ANO2: variants seen among roughly 807,000 people sequenced by gnomAD.
The protein encoded by ANO2 is anoctamin 2.
ANO2 carries 101 observed loss-of-function variants against 124.2 expected under a neutral mutation model. That is an observed-to-expected ratio of 0.81 (90% CI 0.69 to 0.96). ANO2 has a LOEUF of 0.96. Ranked by LOEUF, ANO2 falls within the 40% of genes least tolerant of loss-of-function variation. The pLI is 0.00. For synonymous variants in ANO2, 486 were observed against 482.5 expected, an observed-to-expected ratio of 1.01 and a Z score of -0.09; for missense variants, 1,293 against 1,274.5, an observed-to-expected ratio of 1.01 and a Z score of -0.22.
intron 8 of ANO2, 97 bp from the exon 9 acceptor site, chr12:5,806,190 G>C (rs1670713617): frequency 1.6e-6 from 2 of 1,285,024 alleles, no homozygotes; most frequent in African/African-American, 3.0e-5. Flanking sequence ...TAATATCATT[G>C]CTTTTTTTTC....
intron 7 of ANO2, among the ~76,000 whole-genome samples, chr12:5,825,412 C>G (rs1953925136): frequency 6.6e-6 from 1 of 152,190 alleles, no homozygotes; most frequent in Non-Finnish European, 1.5e-5. Context: ...GTCCAAGAAT[C>G]AAGGCACTGA....
intron 4 of ANO2, among the ~76,000 whole-genome samples, chr12:5,840,909 G>A (rs1045966785): frequency 3.3e-5 from 5 of 152,248 alleles, no homozygotes; most frequent in African/African-American, 9.6e-5. Context: ...GGCTGAAGAC[G>A]ATCATTATAC....
intron 3 of ANO2, chr12:5,856,483 A>C (rs973977859): frequency 6.6e-6 from 1 of 152,204 alleles, no homozygotes; most frequent in African/African-American, 2.4e-5. Context: ...GCCATCCAGC[A>C]TTAAGACCAC....
At chr12:5,741,631 C>T (rs967736644) in intron 12 of ANO2, among the ~76,000 whole-genome samples, 14 of 152,084 alleles carry the variant, frequency 9.2e-5, no homozygotes, top group Admixed American at 5.2e-4. Flanking sequence ...ATAGATGAGT[C>T]GTGAGGGCAA....
intron 14 of ANO2, among the ~76,000 whole-genome samples, chr12:5,648,862 T>C (rs905574191): frequency 6.6e-6 from 1 of 152,202 alleles, no homozygotes; most frequent in Non-Finnish European, 1.5e-5. Flanking sequence ...CCAGGGCCCC[T>C]GCTCTCTCTC....
At position 5,832,597 on chromosome 12, in the gene ANO2, C is replaced by A; in HGVS notation, c.640G>T (p.Glu214Ter). 1 of 1,612,206 alleles carries A rather than the reference C, an allele frequency of 6.2e-7. No homozygotes were observed. The stretch of plus-strand genomic sequence containing the variant: ...GCAATGCTGCCTCCTGCTTTGATCT[C>A]GTACATCTATGAAAGGAAGAGCCAC... Reference protein sequence around the residue: ...KIKVPTKKMYEIKAGGSIAKK... With the variant: ...KIKVPTKKMY The change falls in exon 5 of 25, where the codon GAG (glutamate) becomes TAG (stop). Residue 214 changes from glutamate to a stop codon, truncating the protein, a stop_gained. Transcript: ENST00000682330. LOFTEE classifies it high-confidence loss of function.
At chr12:5,580,598 G>A (rs1942688057) in intron 20 of ANO2, among the ~76,000 whole-genome samples, 1 of 152,186 alleles carries the variant, frequency 6.6e-6, no homozygotes, top group Non-Finnish European at 1.5e-5. Flanking sequence ...CATTGTCTTA[G>A]ACAAGCTTCG....
At chr12:5,800,931 C>T (rs1184569112) in intron 9 of ANO2, among the ~76,000 whole-genome samples, 1 of 152,048 alleles carries the variant, frequency 6.6e-6, no homozygotes, top group African/African-American at 2.4e-5. Flanking sequence ...GCCCTGGGCA[C>T]GCCACCATTT....
chr12:5,591,757 T>A (rs1185803814), intron 20 of ANO2, among the ~76,000 whole-genome samples: 3 of 152,182 alleles, frequency 2.0e-5, no homozygotes, highest in Non-Finnish European at 4.4e-5. Flanking sequence ...CTGAGCTCCT[T>A]CACACATCTC....
intron 20 of ANO2, among the ~76,000 whole-genome samples, chr12:5,578,909 C>G (rs190880713): frequency 6.6e-6 from 1 of 152,198 alleles, no homozygotes; most frequent in Non-Finnish European, 1.5e-5. Flanking sequence ...TTTGTCACAA[C>G]GACTCAACTC....
Position 5,750,963 on chromosome 12 carries a change from A to G in ANO2, c.1063T>C (p.Phe355Leu). ...AAATACAGTCCAATTTTTTCTCCAA[A>G]ATACTTTCTGGAAAAGAAAGAAAAG... ...FQPIDLIRKY[F>L]GEKIGLYFAW... The change falls in exon 11 of 25, where the codon TTT becomes CTT. Residue 355 changes from phenylalanine (F) to leucine (L), a missense_variant. By Grantham distance (22) the Phe-to-Leu change is conservative (BLOSUM62 0). Coordinates refer to ENST00000682330, the MANE Select transcript of ANO2 (RefSeq NM_001364791.2). The G allele has an allele frequency of 6.3e-7, 1 of 1,597,356 alleles. No individual in the cohort carries two copies. The highest frequency in any genetic ancestry group is 1.3e-5 in the African/African-American group (1 of 74,608).
At chr12:5,723,039 C>T (rs1193743253) in intron 14 of ANO2, among the ~76,000 whole-genome samples, 7 of 152,264 alleles carry the variant, frequency 4.6e-5, no homozygotes, top group Non-Finnish European at 1.0e-4. Context: ...CTCCAACACA[C>T]TGTGGGTACA....
chr12:5,945,113 T>A, intron 1 of ANO2, 83 bp downstream of exon 1: 4 of 1,221,082 alleles, frequency 3.3e-6, no homozygotes, highest in Non-Finnish European at 4.3e-6. Context: ...TCCCGAAGGG[T>A]GGGAGTTCGG....
chr12:5,807,246 A>T (rs1953225970), intron 8 of ANO2, 67 bp downstream of exon 8: 3 of 1,395,782 alleles, frequency 2.1e-6, no homozygotes, highest in Non-Finnish European at 2.9e-6. Context: ...TCTCACTGCC[A>T]CTGAAAAGTT....
At chr12:5,682,867 G>A (rs1321629044) in intron 14 of ANO2, among the ~76,000 whole-genome samples, 1 of 152,166 alleles carries the variant, frequency 6.6e-6, no homozygotes, top group Non-Finnish European at 1.5e-5. Context: ...TCATCTGGGT[G>A]GAATGGGTAA....
intron 10 of ANO2, among the ~76,000 whole-genome samples, chr12:5,774,319 T>G (rs1242081246): frequency 6.6e-6 from 1 of 151,954 alleles, no homozygotes; most frequent in Non-Finnish European, 1.5e-5. Flanking sequence ...CCATAAAAAT[T>G]AGCCAGGTGT....
chr12:5,942,622 C>T (rs1446203288), intron 1 of ANO2, among the ~76,000 whole-genome samples: 1 of 151,686 alleles, frequency 6.6e-6, no homozygotes, highest in Non-Finnish European at 1.5e-5. Context: ...CCCTTAGCTT[C>T]CCCACAGGGG....
chr12:5,861,093 T>C (rs1486095856), intron 3 of ANO2, among the ~76,000 whole-genome samples: 1 of 151,886 alleles, frequency 6.6e-6, no homozygotes, highest in Non-Finnish European at 1.5e-5. Flanking sequence ...GACTCTAGAG[T>C]TGGAAACACC....
chr12:5,693,050 C>A (rs1265562977), intron 14 of ANO2, among the ~76,000 whole-genome samples: 2 of 152,120 alleles, frequency 1.3e-5, no homozygotes, highest in South Asian at 2.1e-4. Flanking sequence ...GCGCATCCAT[C>A]ATCATCCCAT....
Sources: allele counts gnomAD v4.1 joint callset (sites outside exome capture counted in the v4.1 genomes callset), GRCh38; gene constraint gnomAD v4.1.1; transcripts MANE v1.5; gene names NCBI Gene and HGNC (gene_info 2026-07-23, HGNC 2026-07-21).